TAX1BP1: variants seen among roughly 807,000 people sequenced by gnomAD.
The protein encoded by TAX1BP1 is Tax1 binding protein 1.
Under a neutral mutation model 97.7 loss-of-function variants are expected in TAX1BP1, and 62 were observed. The observed-to-expected ratio is 0.63, with a 90% CI of 0.52 to 0.78. The LOEUF (loss-of-function observed/expected upper bound fraction) is 0.78, where lower values mean the gene tolerates loss of function less well. Ranked by LOEUF, TAX1BP1 falls within the 30% of genes least tolerant of loss-of-function variation. The probability of loss-of-function intolerance (pLI) is 0.00; values close to 1 mark genes in which losing one functional copy is unlikely to be tolerated. For synonymous variants in TAX1BP1, 340 were observed against 304.2 expected (o/e 1.12, Z -1.23); for missense variants, 867 against 916.1 (o/e 0.95, Z 0.69).
At chr7:27,815,221 T>A (rs1411893433) in intron 13 of TAX1BP1, among the ~76,000 whole-genome samples, 2 of 152,184 alleles carry the variant, frequency 1.3e-5, no homozygotes, top group African/African-American at 4.8e-5. Context: ...CATTTTGATC[T>A]TCAGTAGAAT....
chr7:27,778,892 T>C (rs2128314406), intron 5 of TAX1BP1, among the ~76,000 whole-genome samples: 1 of 151,144 alleles, frequency 6.6e-6, no homozygotes, highest in South Asian at 2.1e-4. Context: ...ATTTGGATGG[T>C]TTTTTGTATA....
intron 13 of TAX1BP1, among the ~76,000 whole-genome samples, chr7:27,808,244 A>G (rs1222177825): frequency 6.6e-6 from 1 of 152,170 alleles, no homozygotes; most frequent in Non-Finnish European, 1.5e-5. Flanking sequence ...ATAGCAACAC[A>G]CACAAAAAAC....
At chr7:27,795,226 A>G (rs1341330033) in intron 11 of TAX1BP1, among the ~76,000 whole-genome samples, 1 of 152,174 alleles carries the variant, frequency 6.6e-6, no homozygotes, top group African/African-American at 2.4e-5. Flanking sequence ...TTCTGTTTCC[A>G]TGTATCCTCT....
At chr7:27,742,236 C>G (rs1369798365) in intron 1 of TAX1BP1, among the ~76,000 whole-genome samples, 12 of 152,164 alleles carry the variant, frequency 7.9e-5, no homozygotes, top group African/African-American at 2.9e-4. Context: ...CAGGTCTTTC[C>G]CTTCCCACGA....
chr7:27,742,858 G>A (rs1177193749), intron 1 of TAX1BP1, among the ~76,000 whole-genome samples: 1 of 152,164 alleles, frequency 6.6e-6, no homozygotes, highest in Non-Finnish European at 1.5e-5. Context: ...CATAACAAAA[G>A]TAAAATTTTG....
chr7:27,762,894 G>A (rs905464063), intron 3 of TAX1BP1, among the ~76,000 whole-genome samples: 4 of 152,246 alleles, frequency 2.6e-5, no homozygotes, highest in South Asian at 2.1e-4. Flanking sequence ...CTGGGGTTGC[G>A]GTGAGCCGAG....
rs897423708 is a variant in TAX1BP1 at position 27,817,047 on chromosome 7, A to G, written c.2085+9A>G. ...ACTCTGAGGATAGCAAAGTAAATTGAATTTTCATTGTGTGAGCCTGTCCCT... is the reference window on the plus strand; with the variant it reads ...ACTCTGAGGATAGCAAAGTAAATTGGATTTTCATTGTGTGAGCCTGTCCCT... On this transcript the variant is annotated intron_variant, in intron 15 of 16. Transcript: ENST00000396319. The G allele has an allele frequency of 6.2e-7, 1 of 1,602,402 alleles. No individual in the cohort carries two copies. Among genetic ancestry groups the G allele is most frequent in the South Asian group, 1.1e-5 (1 of 89,628 alleles).
intron 11 of TAX1BP1, 25 bp from the exon 12 acceptor site, chr7:27,796,091 A>C: frequency 6.4e-7 from 1 of 1,560,094 alleles, no homozygotes; most frequent in African/African-American, 1.4e-5. Context: ...ACTTTTTAAC[A>C]GTCTTATATT....
At chr7:27,753,907 T>C (rs1434542083) in intron 2 of TAX1BP1, among the ~76,000 whole-genome samples, 4 of 151,970 alleles carry the variant, frequency 2.6e-5, no homozygotes, top group Admixed American at 6.6e-5. Context: ...GGATGACTAC[T>C]GTAGTAATGT....
intron 12 of TAX1BP1, among the ~76,000 whole-genome samples, chr7:27,797,319 T>G (rs958184558): frequency 6.6e-6 from 1 of 152,100 alleles, no homozygotes; most frequent in African/African-American, 2.4e-5. Context: ...TTTAAACAGC[T>G]TCATTCAGAC....
At chr7:27,815,758 G>A (rs552940469) in intron 13 of TAX1BP1, among the ~76,000 whole-genome samples, 45 of 152,144 alleles carry the variant, frequency 3.0e-4, no homozygotes, top group African/African-American at 9.2e-4. Flanking sequence ...CTTTTTGGCC[G>A]GGTGCAGTGG....
At chr7:27,756,996 A>T (rs1788244090) in intron 2 of TAX1BP1, among the ~76,000 whole-genome samples, 1 of 152,168 alleles carries the variant, frequency 6.6e-6, no homozygotes, top group Non-Finnish European at 1.5e-5. Context: ...AATAAATGCC[A>T]GTCATGAACC....
chr7:27,793,765 G>A (rs1789807553), intron 10 of TAX1BP1, among the ~76,000 whole-genome samples: 3 of 152,118 alleles, frequency 2.0e-5, no homozygotes, highest in Admixed American at 2.0e-4. Context: ...TTTCAATGTG[G>A]GTCCTTAAAC....
At chr7:27,816,709 G>A (rs979251786) in intron 14 of TAX1BP1, among the ~76,000 whole-genome samples, 181 bp from the exon 15 acceptor site, 13 of 152,138 alleles carry the variant, frequency 8.5e-5, no homozygotes, top group Non-Finnish European at 1.8e-4. Flanking sequence ...CATGAGATGA[G>A]TACTTTATTT....
intron 5 of TAX1BP1, among the ~76,000 whole-genome samples, chr7:27,776,228 A>T (rs1789028123): frequency 6.6e-6 from 1 of 152,166 alleles, no homozygotes. Flanking sequence ...AATTTTAAGG[A>T]TTCTTATAAA....
chr7:27,816,345 T>G lies in TAX1BP1; in HGVS notation c.1765-4T>G. 1 of 1,556,298 alleles carries G rather than the reference T, an allele frequency of 6.4e-7. No individual in the cohort carries two copies. Among genetic ancestry groups the G allele is most frequent in the East Asian group, 2.4e-5 (1 of 41,860 alleles). ...TTATTCATCTTTGTTTTTGTTAATT[T>G]TAGGAACTTAAAAGGAGTCTAGAAA... On this transcript the variant is annotated splice_region_variant and splice_polypyrimidine_tract_variant and intron_variant, in intron 13 of 16. Transcript: ENST00000396319.
chr7:27,812,669 A>G (rs1330577946), intron 13 of TAX1BP1, among the ~76,000 whole-genome samples: 1 of 152,186 alleles, frequency 6.6e-6, no homozygotes, highest in African/African-American at 2.4e-5. Context: ...TATGATATGT[A>G]GTCAAAGTTT....
chr7:27,821,601 C>T (rs952170644), intron 15 of TAX1BP1, among the ~76,000 whole-genome samples: 1 of 149,688 alleles, frequency 6.7e-6, no homozygotes, highest in Non-Finnish European at 1.5e-5. Context: ...TGCCACTATA[C>T]TCCAGCCCGG....
chr7:27,792,474 A>C (rs1789756189), intron 9 of TAX1BP1, among the ~76,000 whole-genome samples: 1 of 152,138 alleles, frequency 6.6e-6, no homozygotes, highest in South Asian at 2.1e-4. Flanking sequence ...AAATATATTG[A>C]TGTCAGATAT....
Sources: gnomAD v4.1 joint callset for allele counts (sites outside exome capture counted in the v4.1 genomes callset) on GRCh38, gnomAD v4.1.1 for gene constraint, MANE v1.5 for transcripts, NCBI Gene and HGNC (gene_info 2026-07-23, HGNC 2026-07-21) for gene names.